TECRL: variants seen among roughly 807,000 people sequenced by gnomAD.
TECRL encodes trans-2,3-enoyl-CoA reductase like.
In TECRL, 63 loss-of-function variants were observed where a neutral mutation model predicts 52.8. The observed-to-expected ratio is 1.19, with a 90% CI of 0.97 to 1.47. The LOEUF is 1.47. TECRL is among the 40% of genes most tolerant of loss of function. The pLI is 0.00. For missense variants in TECRL, 482 were observed against 429.6 expected (o/e 1.12, Z -1.08); for synonymous variants, 164 against 141.9 (o/e 1.16, Z -1.10).
chr4:64,295,411 T>C (rs1237761272), intron 8 of TECRL, among the ~76,000 whole-genome samples: 1 of 151,430 alleles, frequency 6.6e-6, no homozygotes, highest in Non-Finnish European at 1.5e-5. Context: ...AATCATTTGA[T>C]TTTGGAATTT....
At chr4:64,335,517 T>A (rs1410592615) in intron 2 of TECRL, among the ~76,000 whole-genome samples, 3 of 152,194 alleles carry the variant, frequency 2.0e-5, no homozygotes, top group African/African-American at 7.2e-5. Context: ...ATAAATGTAA[T>A]GTGCTTGAAT....
intron 7 of TECRL, among the ~76,000 whole-genome samples, chr4:64,301,209 C>T (rs1178319419): frequency 6.6e-6 from 1 of 150,846 alleles, no homozygotes; most frequent in Non-Finnish European, 1.5e-5. Context: ...AAAATCTCAT[C>T]AACCTTAGAA....
intron 2 of TECRL, among the ~76,000 whole-genome samples, chr4:64,371,068 G>A (rs1210701911): frequency 1.3e-5 from 2 of 151,596 alleles, no homozygotes; most frequent in African/African-American, 2.4e-5. Context: ...TACCCACATT[G>A]AATAATCACA....
At chr4:64,355,816 A>T (rs907754063) in intron 2 of TECRL, among the ~76,000 whole-genome samples, 1 of 150,988 alleles carries the variant, frequency 6.6e-6, no homozygotes, top group Non-Finnish European at 1.5e-5. Context: ...AGAATAAGTT[A>T]AAACATTAAT....
At chr4:64,379,064 A>C (rs1722597307) in intron 1 of TECRL, among the ~76,000 whole-genome samples, 1 of 152,044 alleles carries the variant, frequency 6.6e-6, no homozygotes, top group South Asian at 2.1e-4. Context: ...TTTCTATTGA[A>C]AAAAATGTAA....
At chr4:64,329,274 ATTAAACT>A (rs1210881400) in intron 2 of TECRL, among the ~76,000 whole-genome samples, 8 of 151,984 alleles carry the variant, frequency 5.3e-5, no homozygotes, top group African/African-American at 1.9e-4. Flanking sequence ...TAACTTTGAG[ATTAAACT>A]TTAAACAAAT....
rs1035093108 is a variant in TECRL at position 64,278,066 on chromosome 4, G to GTA, written c.*2004_*2005dup. On this transcript the variant is annotated 3_prime_UTR_variant, in exon 12 of 12. Coordinates refer to ENST00000381210, the MANE Select transcript of TECRL (RefSeq NM_001010874.5). ...TATTTGTGTATGTGTATATATATGT[G>GTA]TATATATATACACATATACACACGT... The GTA allele has an allele frequency of 1.1e-4, 17 of 150,592 alleles. No individual in the cohort carries two copies. The highest frequency in any genetic ancestry group is 3.9e-4 in the African/African-American group (16 of 40,972). 9.3% of individuals were successfully genotyped at this position (150,592 alleles called of 1,614,324 possible).
intron 1 of TECRL, among the ~76,000 whole-genome samples, chr4:64,383,916 GTGTT>G (rs1722992345): frequency 6.6e-6 from 1 of 151,434 alleles, no homozygotes; most frequent in African/African-American, 2.4e-5. Flanking sequence ...TGTCCCTGTA[GTGTT>G]TGTTGGGCAG....
At chr4:64,395,702 G>A (rs1243449747) in intron 1 of TECRL, among the ~76,000 whole-genome samples, 2 of 152,106 alleles carry the variant, frequency 1.3e-5, no homozygotes, top group African/African-American at 2.4e-5. Flanking sequence ...GAGGGTACAT[G>A]TGCAGGTTTG....
intron 8 of TECRL, among the ~76,000 whole-genome samples, chr4:64,297,363 A>G (rs996072739): frequency 4.0e-5 from 6 of 151,310 alleles, no homozygotes; most frequent in African/African-American, 1.4e-4. Context: ...TAAATGAATA[A>G]TACTTTCTTC....
At chr4:64,307,905 C>A (rs935377819) in intron 6 of TECRL, among the ~76,000 whole-genome samples, 2 of 152,098 alleles carry the variant, frequency 1.3e-5, no homozygotes, top group East Asian at 1.9e-4. Flanking sequence ...CGTTGAATGA[C>A]CTAAATAGGC....
chr4:64,300,580 C>A (rs1332912265), intron 7 of TECRL, among the ~76,000 whole-genome samples: 1 of 150,668 alleles, frequency 6.6e-6, no homozygotes, highest in Non-Finnish European at 1.5e-5. Context: ...GTTCTAAAGG[C>A]AGGGTTGCTC....
intron 2 of TECRL, among the ~76,000 whole-genome samples, chr4:64,361,347 C>T (rs1721181406): frequency 6.6e-6 from 1 of 152,150 alleles, no homozygotes; most frequent in Admixed American, 6.6e-5. Flanking sequence ...CACCAATGTA[C>T]ACGTGTGTGT....
chr4:64,283,036 G>C (rs1181360249), intron 9 of TECRL, among the ~76,000 whole-genome samples: 1 of 151,842 alleles, frequency 6.6e-6, no homozygotes, highest in African/African-American at 2.4e-5. Flanking sequence ...TCAACTTTCA[G>C]TACTCCCTAT....
chr4:64,311,693 T>A (rs929789687), intron 5 of TECRL, among the ~76,000 whole-genome samples: 1 of 152,168 alleles, frequency 6.6e-6, no homozygotes, highest in Non-Finnish European at 1.5e-5. Context: ...ATCATGCACA[T>A]CACTGCTAAC....
intron 3 of TECRL, among the ~76,000 whole-genome samples, chr4:64,324,343 A>G (rs1238874789): frequency 6.6e-6 from 1 of 152,072 alleles, no homozygotes; most frequent in African/African-American, 2.4e-5. Context: ...AAATGAGTAG[A>G]CTAGAGCTCA....
chr4:64,289,478 G>A (rs187701337), intron 9 of TECRL, among the ~76,000 whole-genome samples: 3 of 152,126 alleles, frequency 2.0e-5, no homozygotes, highest in African/African-American at 4.8e-5. Context: ...GTTGTTTAGT[G>A]TGTGTGGGGA....
intron 2 of TECRL, among the ~76,000 whole-genome samples, chr4:64,346,859 G>T (rs1341562507): frequency 6.6e-6 from 1 of 152,136 alleles, no homozygotes; most frequent in Non-Finnish European, 1.5e-5. Context: ...TCATATGTTT[G>T]CTTTTAGGTT....
At chr4:64,397,009 A>G (rs977333238) in intron 1 of TECRL, among the ~76,000 whole-genome samples, 1 of 152,158 alleles carries the variant, frequency 6.6e-6, no homozygotes, top group Non-Finnish European at 1.5e-5. Context: ...AAAACAGCTT[A>G]CAAAACCAGA....
Sources: allele counts gnomAD v4.1 joint callset (sites outside exome capture counted in the v4.1 genomes callset), GRCh38; gene constraint gnomAD v4.1.1; transcripts MANE v1.5; gene names NCBI Gene and HGNC (gene_info 2026-07-23, HGNC 2026-07-21).